Variants in CAMK1D observed in about 807,000 individuals in gnomAD.
CAMK1D encodes the protein calcium/calmodulin dependent protein kinase ID, also known as calcium/calmodulin-dependent protein kinase type 1D.
In CAMK1D, 9 loss-of-function variants were observed where a neutral mutation model predicts 47.7. The ratio of observed to expected loss-of-function variants is 0.19; its 90% confidence interval spans 0.11 to 0.33. The LOEUF (loss-of-function observed/expected upper bound fraction) is 0.33, where lower values mean the gene tolerates loss of function less well. Among genes scored for constraint, CAMK1D ranks in the 10% least tolerant of loss-of-function variants. CAMK1D has a pLI of 1.00. For missense variants in CAMK1D, 291 were observed against 488.7 expected (o/e 0.60, Z 3.81); for synonymous variants, 184 against 184.9 (o/e 0.99, Z 0.04).
chr10:12,464,014 C>A (rs1055758908), intron 1 of CAMK1D, among the ~76,000 whole-genome samples: 4 of 152,146 alleles, frequency 2.6e-5, no homozygotes. Context: ...GCCTCCCCAG[C>A]CATGCTGAAC....
intron 3 of CAMK1D, among the ~76,000 whole-genome samples, chr10:12,694,684 CT>C (rs1833188267): frequency 6.7e-6 from 1 of 148,522 alleles, no homozygotes; most frequent in South Asian, 2.1e-4. Context: ...GATTGAAAGA[CT>C]CCTAAACTGC....
intron 3 of CAMK1D, among the ~76,000 whole-genome samples, chr10:12,737,225 T>A (rs1320966022): frequency 3.3e-5 from 5 of 152,082 alleles, no homozygotes; most frequent in Admixed American, 3.3e-4. Flanking sequence ...CCCTCCCTGT[T>A]GTTCCTGTCC....
chr10:12,700,260 G>C (rs955847156), intron 3 of CAMK1D, among the ~76,000 whole-genome samples: 1 of 152,192 alleles, frequency 6.6e-6, no homozygotes, highest in Non-Finnish European at 1.5e-5. Context: ...TTGACTCCCA[G>C]TTGCGCAGGC....
At chr10:12,820,067 G>C (rs769785114) in intron 8 of CAMK1D, among the ~76,000 whole-genome samples, 1 of 152,226 alleles carries the variant, frequency 6.6e-6, no homozygotes, top group Non-Finnish European at 1.5e-5. Flanking sequence ...GGTGGTGGGA[G>C]CCTCACTCTG....
intron 2 of CAMK1D, among the ~76,000 whole-genome samples, chr10:12,655,866 G>C (rs1190825040): frequency 6.6e-6 from 1 of 152,214 alleles, no homozygotes; most frequent in Non-Finnish European, 1.5e-5. Flanking sequence ...TGACAAACTT[G>C]TCTGTGCAGA....
intron 1 of CAMK1D, among the ~76,000 whole-genome samples, chr10:12,373,764 C>T (rs1838079648): frequency 6.6e-6 from 1 of 151,336 alleles, no homozygotes; most frequent in South Asian, 2.1e-4. Context: ...GTTTGCGTCA[C>T]ATTTTCTCTG....
At chr10:12,419,186 A>G (rs1839960430) in intron 1 of CAMK1D, among the ~76,000 whole-genome samples, 1 of 152,042 alleles carries the variant, frequency 6.6e-6, no homozygotes, top group African/African-American at 2.4e-5. Context: ...ACTTTACCAT[A>G]TATTTTCCTC....
intron 2 of CAMK1D, among the ~76,000 whole-genome samples, chr10:12,633,470 A>G (rs551238105): frequency 1.3e-5 from 2 of 152,328 alleles, no homozygotes; most frequent in Non-Finnish European, 2.9e-5. Flanking sequence ...TGATGCGCTT[A>G]TTAACAGCGT....
intron 1 of CAMK1D, among the ~76,000 whole-genome samples, chr10:12,483,261 G>A (rs945927003): frequency 6.6e-6 from 1 of 152,050 alleles, no homozygotes; most frequent in African/African-American, 2.4e-5. Context: ...GAGTGCAGTG[G>A]CGTGATCATA....
chr10:12,464,319 G>A (rs994710081), intron 1 of CAMK1D, among the ~76,000 whole-genome samples: 5 of 152,020 alleles, frequency 3.3e-5, no homozygotes, highest in South Asian at 2.1e-4. Context: ...GCTCTTTTCC[G>A]ATTGCCACAG....
At chr10:12,651,559 T>G (rs1250388649) in intron 2 of CAMK1D, among the ~76,000 whole-genome samples, 1 of 151,554 alleles carries the variant, frequency 6.6e-6, no homozygotes, top group Non-Finnish European at 1.5e-5. Flanking sequence ...ACCCAGCTAA[T>G]TTTTGTATTT....
chr10:12,694,488 A>G lies in CAMK1D; in HGVS notation c.299+27678A>G, dbSNP rs1376843626. Among the ~76,000 whole-genome samples, 88 of 127,786 alleles carry G rather than the reference A, an allele frequency of 6.9e-4. 1 individual carries two copies. Among genetic ancestry groups the G allele is most frequent in the Non-Finnish European group, 1.2e-3 (79 of 64,182 alleles). The allele number at this position is 127,786 out of a possible 152,430, so 83.8% of individuals were successfully genotyped here. On this transcript the variant is annotated intron_variant, in intron 3 of 10. Coordinates refer to ENST00000619168, the MANE Select transcript of CAMK1D (RefSeq NM_153498.4). ...ATATCATATATAAAATATATATGAT[A>G]TATAACATAAAATATATATTATATA...
chr10:12,427,220 C>T (rs1483794602), intron 1 of CAMK1D, among the ~76,000 whole-genome samples: 1 of 152,120 alleles, frequency 6.6e-6, no homozygotes, highest in Admixed American at 6.5e-5. Flanking sequence ...GATGAAGATA[C>T]TTTGATGGAG....
At chr10:12,504,762 C>G (rs920469506) in intron 1 of CAMK1D, among the ~76,000 whole-genome samples, 7 of 152,138 alleles carry the variant, frequency 4.6e-5, no homozygotes, top group Admixed American at 4.6e-4. Context: ...CTTACTACCT[C>G]CCGGGACGGT....
At chr10:12,619,355 A>G (rs989818607) in intron 2 of CAMK1D, among the ~76,000 whole-genome samples, 42 of 152,144 alleles carry the variant, frequency 2.8e-4, no homozygotes, top group South Asian at 1.0e-3. Context: ...CAGTGGTACA[A>G]TCATGGCTTA....
At chr10:12,376,926 A>G (rs185390674) in intron 1 of CAMK1D, among the ~76,000 whole-genome samples, 2 of 151,770 alleles carry the variant, frequency 1.3e-5, no homozygotes, top group Admixed American at 1.3e-4. Flanking sequence ...ACGCCCTGCT[A>G]ATTTTTGTAT....
chr10:12,381,801 C>G (rs1245866328), intron 1 of CAMK1D, among the ~76,000 whole-genome samples: 6 of 152,014 alleles, frequency 3.9e-5, no homozygotes, highest in Non-Finnish European at 8.8e-5. Flanking sequence ...TTAGCTGGTA[C>G]CAGGGGCATG....
chr10:12,502,517 C>T (rs984880068), intron 1 of CAMK1D, among the ~76,000 whole-genome samples: 1 of 152,160 alleles, frequency 6.6e-6, no homozygotes, highest in Admixed American at 6.5e-5. Context: ...CCTGTCCTCT[C>T]AGCAGCCCCG....
chr10:12,827,468 G>GTCTTTCTTTCTTTTCTTTCTT lies in CAMK1D; in HGVS notation c.1040-1298_1040-1297insTTCTTTCTTTTCTTTCTTTCT, dbSNP rs1294410746. 5.3e-4 allele frequency among the ~76,000 whole-genome samples: 2 copies of GTCTTTCTTTCTTTTCTTTCTT among 3,792 alleles called. 1 individual carries two copies. The highest frequency in any genetic ancestry group is 1.6e-3 in the Non-Finnish European group (2 of 1,280). 2.5% of individuals were successfully genotyped at this position (3,792 alleles called of 152,430 possible). ...CTTTCTTTCTTTTCTTTCTTTGTCT[G>GTCTTTCTTTCTTTTCTTTCTT]TCTGTCTTTCTTTCTTTCTTTCTTT... On this transcript the variant is annotated intron_variant, in intron 10 of 10. Transcript: ENST00000619168.
Sources: allele counts gnomAD v4.1 joint callset (sites outside exome capture counted in the v4.1 genomes callset), GRCh38; gene constraint gnomAD v4.1.1; transcripts MANE v1.5; gene names NCBI Gene and HGNC (gene_info 2026-07-23, HGNC 2026-07-21).